The following SEPTIN7 variants were observed in gnomAD, a reference collection of about 807,000 sequenced individuals.
SEPTIN7 encodes the protein septin 7.
A neutral mutation model predicts 63.3 loss-of-function variants in SEPTIN7; 10 were observed. That is an observed-to-expected ratio of 0.16 (90% CI 0.10 to 0.27). The LOEUF is 0.27. Ranked by LOEUF, SEPTIN7 falls within the 10% of genes least tolerant of loss-of-function variation. SEPTIN7 has a pLI of 1.00. For synonymous variants in SEPTIN7, 131 were observed against 165.3 expected (o/e 0.79, Z 1.59); for missense variants, 310 against 521.0 (o/e 0.59, Z 3.94).
intron 9 of SEPTIN7, among the ~76,000 whole-genome samples, chr7:35,885,503 T>C (rs545408304): frequency 6.6e-6 from 1 of 152,278 alleles, no homozygotes; most frequent in South Asian, 2.1e-4. Flanking sequence ...CACCACTGAA[T>C]TTTTTAAATG....
chr7:35,901,388 A>G (rs554522740), intron 12 of SEPTIN7: 1 of 152,228 alleles, frequency 6.6e-6, no homozygotes, highest in Non-Finnish European at 1.5e-5. Flanking sequence ...TTAATCCTAC[A>G]TATTGTGAAT....
At chr7:35,873,551 C>T in intron 5 of SEPTIN7, 90 bp from the exon 6 acceptor site, 3 of 1,266,348 alleles carry the variant, frequency 2.4e-6, no homozygotes, top group South Asian at 1.8e-5. Context: ...TCATTTTGCC[C>T]ATTTGAAAAT....
chr7:35,826,971 T>C (rs755679129), intron 1 of SEPTIN7, among the ~76,000 whole-genome samples: 4 of 152,170 alleles, frequency 2.6e-5, no homozygotes, highest in African/African-American at 4.8e-5. Context: ...GTTACTTGAA[T>C]ATATTTGTGC....
At chr7:35,836,129 T>C (rs1286656328) in intron 3 of SEPTIN7, among the ~76,000 whole-genome samples, 1 of 152,190 alleles carries the variant, frequency 6.6e-6, no homozygotes, top group Non-Finnish European at 1.5e-5. Flanking sequence ...GAATTCTTGA[T>C]TTTGAATCTT....
chr7:35,880,937 C>G (rs1562572662), intron 7 of SEPTIN7, among the ~76,000 whole-genome samples: 1 of 152,124 alleles, frequency 6.6e-6, no homozygotes, highest in South Asian at 2.1e-4. Flanking sequence ...TGGAACCTTT[C>G]TCTATTCCAG....
intron 1 of SEPTIN7, among the ~76,000 whole-genome samples, chr7:35,825,671 A>C (rs1783475749): frequency 6.6e-6 from 1 of 152,034 alleles, no homozygotes; most frequent in South Asian, 2.1e-4. Context: ...TGTTTTTATT[A>C]GCTTTTATAT....
At chr7:35,838,804 C>A (rs923078449) in intron 3 of SEPTIN7, 12 of 152,088 alleles carry the variant, frequency 7.9e-5, no homozygotes, top group Admixed American at 3.9e-4. Flanking sequence ...ATTTTGAAAT[C>A]TTAAATCCGT....
chr7:35,826,824 A>G (rs551567674), intron 1 of SEPTIN7, among the ~76,000 whole-genome samples: 1 of 152,276 alleles, frequency 6.6e-6, no homozygotes, highest in East Asian at 1.9e-4. Flanking sequence ...ATTAGTATTC[A>G]GAGTTTTAAA....
In SEPTIN7 at chr7:35,872,795, C is replaced by G. The variant is rs552247179; in HGVS notation, c.377+29C>G. ...AGAAGGGTTTGTCCTCACAACTTTGCAGTGCATTTGGGGTACTGGGGTGGT... is the reference window on the plus strand; with the variant it reads ...AGAAGGGTTTGTCCTCACAACTTTGGAGTGCATTTGGGGTACTGGGGTGGT... On this transcript the variant is annotated intron_variant, in intron 5 of 13. Transcript: ENST00000350320. The G allele has an allele frequency of 8.8e-6, 13 of 1,475,470 alleles. No individual in the cohort carries two copies. In the Admixed American group the frequency reaches 1.7e-4, roughly 19 times the overall value. 91.4% of individuals were successfully genotyped at this position (1,475,470 alleles called of 1,614,324 possible).
At chr7:35,847,751 T>C (rs1206490290) in intron 3 of SEPTIN7, among the ~76,000 whole-genome samples, 2 of 152,238 alleles carry the variant, frequency 1.3e-5, no homozygotes, top group Non-Finnish European at 2.9e-5. Flanking sequence ...TAAAGAAATA[T>C]AGTGAGATAT....
intron 1 of SEPTIN7, among the ~76,000 whole-genome samples, chr7:35,814,327 G>C (rs1178009270): frequency 6.6e-6 from 1 of 152,146 alleles, no homozygotes; most frequent in African/African-American, 2.4e-5. Flanking sequence ...TTATAGATTT[G>C]TAGAGATAAC....
chr7:35,847,459 C>G (rs1228587585), intron 3 of SEPTIN7: 2 of 155,376 alleles, frequency 1.3e-5, no homozygotes, highest in African/African-American at 2.4e-5. Flanking sequence ...GCTCGGAAAT[C>G]TCTTTTAAAT....
intron 4 of SEPTIN7, among the ~76,000 whole-genome samples, chr7:35,864,359 G>GTGATGC (rs1303845967): frequency 6.6e-6 from 1 of 152,118 alleles, no homozygotes; most frequent in Non-Finnish European, 1.5e-5. Context: ...AAGATCACAG[G>GTGATGC]TGATGCTGAT....
intron 9 of SEPTIN7, among the ~76,000 whole-genome samples, chr7:35,884,429 A>G (rs1196234973): frequency 2.6e-5 from 4 of 152,348 alleles, no homozygotes; most frequent in Middle Eastern, 3.4e-3. Flanking sequence ...AGCATTTCAA[A>G]TAAGAGATAC....
At chr7:35,842,849 G>C (rs1272426552) in intron 3 of SEPTIN7, among the ~76,000 whole-genome samples, 1 of 151,822 alleles carries the variant, frequency 6.6e-6, no homozygotes, top group South Asian at 2.1e-4. Flanking sequence ...CTTCCTCAAG[G>C]ATATTCTGCT....
At chr7:35,890,333 C>T (rs1787555037) in intron 10 of SEPTIN7, among the ~76,000 whole-genome samples, 1 of 151,992 alleles carries the variant, frequency 6.6e-6, no homozygotes, top group African/African-American at 2.4e-5. Context: ...CAGTAGTGGC[C>T]AATCTGCACT....
intron 1 of SEPTIN7, among the ~76,000 whole-genome samples, chr7:35,828,568 G>A (rs1334101200): frequency 1.3e-5 from 2 of 152,188 alleles, no homozygotes; most frequent in Middle Eastern, 3.4e-3. Context: ...TAGTAGAGAT[G>A]GGGTTTCACC....
chr7:35,890,713 T>C lies in SEPTIN7; in HGVS notation c.918T>C (p.Tyr306=), dbSNP rs767984090. 1.2e-4 allele frequency: 195 copies of C among 1,598,484 alleles called. No homozygotes were observed. The highest frequency in any genetic ancestry group is 1.6e-4 in the Non-Finnish European group (191 of 1,174,306). ...DLKDVTNNVH[Y]ENYRSRKLAA... ...AAGATGTTACTAATAATGTCCACTA[T>C]GAGAACTACAGAAGCAGAAAACTTG... The change falls in exon 11 of 14, where the codon TAT becomes TAC. Residue 306 remains tyrosine, a synonymous_variant. Coordinates refer to ENST00000350320, the MANE Select transcript of SEPTIN7 (RefSeq NM_001788.6).
At chr7:35,855,833 G>GTA (rs1785176344) in intron 3 of SEPTIN7, among the ~76,000 whole-genome samples, 2 of 152,042 alleles carry the variant, frequency 1.3e-5, no homozygotes, top group South Asian at 4.1e-4. Flanking sequence ...AGAAATTTGT[G>GTA]TATATATATT....
Sources: allele counts gnomAD v4.1 joint callset (sites outside exome capture counted in the v4.1 genomes callset), GRCh38; gene constraint gnomAD v4.1.1; transcripts MANE v1.5; gene names NCBI Gene and HGNC (gene_info 2026-07-23, HGNC 2026-07-21).